The following DNAJC13 variants were observed in gnomAD, a reference collection of about 807,000 sequenced individuals.
DNAJC13 encodes dnaJ homolog subfamily C member 13.
In DNAJC13, 75 loss-of-function variants were observed where a neutral mutation model predicts 290.5. The observed-to-expected ratio is 0.26, with a 90% CI of 0.21 to 0.31. The LOEUF is 0.31. Ranked by LOEUF, DNAJC13 falls within the 10% of genes least tolerant of loss-of-function variation. The pLI is 1.00. For missense variants in DNAJC13, 2,260 were observed against 2,674.5 expected, an observed-to-expected ratio of 0.85 and a Z score of 3.42; for synonymous variants, 862 against 892.0, an observed-to-expected ratio of 0.97 and a Z score of 0.60.
chr3:132,506,432 A>G (rs78820357), intron 42 of DNAJC13, among the ~76,000 whole-genome samples: 15,292 of 149,072 alleles, frequency 0.1, 1,436 homozygotes, highest in East Asian at 0.54. Flanking sequence ...ATACTTTTAC[A>G]TGTTATTTTA....
At chr3:132,526,023 A>G in intron 52 of DNAJC13, 118 bp from the exon 53 acceptor site, 1 of 1,390,132 alleles carries the variant, frequency 7.2e-7, no homozygotes, top group Non-Finnish European at 9.6e-7. Flanking sequence ...GGTTCAATTC[A>G]TTGTTAAACT....
Position 132,471,121 on chromosome 3 carries a change from C to T in DNAJC13, c.2209-2024C>T, listed in dbSNP as rs1934228642. 1.5e-5 allele frequency among the ~76,000 whole-genome samples: 2 copies of T among 131,478 alleles called. 1 individual carries two copies. Among genetic ancestry groups the T allele is most frequent in the Non-Finnish European group, 3.4e-5 (2 of 59,026 alleles). 86.3% of individuals were successfully genotyped at this position (131,478 alleles called of 152,430 possible). Reference sequence around the variant, plus strand: ...GCGGCTGGCCGGGTGGGGGGGCTGACCCCCCCATCTCCCTCCTGGACGGGG... The same window carrying T: ...GCGGCTGGCCGGGTGGGGGGGCTGATCCCCCCATCTCCCTCCTGGACGGGG... On this transcript the variant is annotated intron_variant, in intron 20 of 55. Transcript: ENST00000260818.
intron 17 of DNAJC13, among the ~76,000 whole-genome samples, chr3:132,464,414 C>T (rs1261299757): frequency 6.6e-6 from 1 of 152,152 alleles, no homozygotes; most frequent in Non-Finnish European, 1.5e-5. Flanking sequence ...GTGACCCTTT[C>T]AGCTATCTTA....
intron 2 of DNAJC13, among the ~76,000 whole-genome samples, chr3:132,444,283 G>A (rs1173585543): frequency 6.6e-6 from 1 of 152,180 alleles, no homozygotes; most frequent in Non-Finnish European, 1.5e-5. Context: ...TGCTAAAAAG[G>A]TTGGGGACTA....
intron 2 of DNAJC13, among the ~76,000 whole-genome samples, chr3:132,439,321 T>C (rs899984856): frequency 3.9e-5 from 6 of 152,336 alleles, no homozygotes; most frequent in Non-Finnish European, 8.8e-5. Flanking sequence ...TTCTAATACC[T>C]TTCTTATATG....
At chr3:132,445,272 A>G (rs59784177) in intron 2 of DNAJC13, among the ~76,000 whole-genome samples, 10,835 of 152,144 alleles carry the variant, frequency 0.071, 796 homozygotes, top group African/African-American at 0.19. Flanking sequence ...TCTCGTATTA[A>G]AATACAACTA....
In DNAJC13 at chr3:132,484,523, G is replaced by A. The variant is rs193149241; in HGVS notation, c.3183-65G>A. 371 of 1,457,410 alleles carry A rather than the reference G, an allele frequency of 2.5e-4. 2 individuals are homozygous for A. In the African/African-American group the frequency reaches 2.6e-3, roughly 10 times the overall value. The allele number at this position is 1,457,410 out of a possible 1,614,324, so 90.3% of individuals were successfully genotyped here. On this transcript the variant is annotated intron_variant, in intron 28 of 55. Coordinates refer to ENST00000260818, the MANE Select transcript of DNAJC13 (RefSeq NM_015268.4). The stretch of plus-strand genomic sequence containing the variant: ...CCTGCTTCATGCCTAGTAGAATGTC[G>A]TATGCTCTGAACATACAAATTTTAA...
chr3:132,488,944 A>T, intron 30 of DNAJC13, 32 bp from the exon 31 acceptor site: 1 of 1,544,274 alleles, frequency 6.5e-7, no homozygotes, highest in Non-Finnish European at 8.9e-7. Context: ...ATCGGTTTCT[A>T]TATCTGATAG....
At chr3:132,465,707 T>C (rs1337711391) in intron 17 of DNAJC13, among the ~76,000 whole-genome samples, 1 of 152,158 alleles carries the variant, frequency 6.6e-6, no homozygotes, top group African/African-American at 2.4e-5. Flanking sequence ...TTGTTTTTTT[T>C]CTTCCTTTAA....
chr3:132,487,559 A>ATTTTTTTTTTTTTTTTTT lies in DNAJC13; in HGVS notation c.3268-736_3268-719dup, dbSNP rs10663131. ...GCGTGAGCCACCATGCCTGGCTGTA[A>ATTTTTTTTTTTTTTTTTT]TTTTTTTTTTTTTTTTTTTTACTGG... On this transcript the variant is annotated intron_variant, in intron 29 of 55. Coordinates refer to ENST00000260818, the MANE Select transcript of DNAJC13 (RefSeq NM_015268.4). 2.2e-4 allele frequency among the ~76,000 whole-genome samples: 24 copies of ATTTTTTTTTTTTTTTTTT among 110,438 alleles called. 3 individuals carry two copies. The highest frequency in any genetic ancestry group is 1.2e-3 in the African/African-American group (23 of 18,780). 72.5% of individuals were successfully genotyped at this position (110,438 alleles called of 152,430 possible).
rs758835479 is a variant in DNAJC13 at position 132,466,301 on chromosome 3, G to A, written c.1971G>A (p.Pro657=). 1.9e-5 allele frequency: 30 copies of A among 1,581,598 alleles called. No individual in the cohort carries two copies. The highest frequency in any genetic ancestry group is 1.7e-4 in the Middle Eastern group (1 of 5,914). The change falls in exon 19 of 56, where the codon CCG becomes CCA. Residue 657 remains proline (P), a splice_region_variant and synonymous_variant. Coordinates refer to ENST00000260818, the MANE Select transcript of DNAJC13 (RefSeq NM_015268.4). ...TATNLLKRIL[P]PGLLAYLESS... is the part of the protein sequence containing the mutation. ...GAAAATGGATTTTGTGTTTTTAGCC[G>A]CCAGGCTTGCTGGCATACTTGGAAA...
intron 29 of DNAJC13, among the ~76,000 whole-genome samples, chr3:132,487,932 A>G (rs1211545422): frequency 2.0e-5 from 3 of 152,096 alleles, no homozygotes; most frequent in Non-Finnish European, 2.9e-5. Flanking sequence ...TTGAGTTCTC[A>G]AGAAGCCTTC....
chr3:132,511,035 A>G (rs779939057), intron 43 of DNAJC13, 32 bp from the exon 44 acceptor site: 1 of 1,603,098 alleles, frequency 6.2e-7, no homozygotes, highest in Admixed American at 1.7e-5. Context: ...TAGGGCACCC[A>G]TGTTGTTTAA....
At chr3:132,499,398 C>T (rs1935341868) in intron 37 of DNAJC13, 88 bp downstream of exon 37, 1 of 1,126,576 alleles carries the variant, frequency 8.9e-7, no homozygotes, top group Admixed American at 2.6e-5. Context: ...AGTACAAATG[C>T]AGATTCTTTA....
intron 1 of DNAJC13, among the ~76,000 whole-genome samples, chr3:132,428,562 A>G (rs1200793438): frequency 6.6e-6 from 1 of 151,678 alleles, no homozygotes; most frequent in African/African-American, 2.4e-5. Context: ...CTCCCACAGT[A>G]GCCTCCCAAA....
rs1357399971 is a variant in DNAJC13 at position 132,525,742 on chromosome 3, A to G, written c.6193A>G (p.Ile2065Val). 1 of 1,614,216 alleles carries G rather than the reference A, an allele frequency of 6.2e-7. No individual in the cohort carries two copies. The highest frequency in any genetic ancestry group is 1.1e-5 in the South Asian group (1 of 91,090). The change falls in exon 52 of 56, where the codon ATT becomes GTT. Residue 2065 changes from isoleucine (I) to valine (V), a missense_variant. Coordinates refer to ENST00000260818, the MANE Select transcript of DNAJC13 (RefSeq NM_015268.4). ...IQAMNHRNNA[I>V]PKSAIRVIHA... ...GGCAATGAATCATAGGAACAATGCCATTCCTAAGAGTGCCATTCGGGTTAT... is the reference window on the plus strand; with the variant it reads ...GGCAATGAATCATAGGAACAATGCCGTTCCTAAGAGTGCCATTCGGGTTAT...
At chr3:132,499,434 T>C in intron 37 of DNAJC13, 124 bp downstream of exon 37, 1 of 876,096 alleles carries the variant, frequency 1.1e-6, no homozygotes, top group Non-Finnish European at 1.7e-6. Context: ...TAACACAATA[T>C]TTTCCATATT....
At chr3:132,440,112 T>C (rs1047016949) in intron 2 of DNAJC13, among the ~76,000 whole-genome samples, 2 of 152,092 alleles carry the variant, frequency 1.3e-5, no homozygotes, top group African/African-American at 2.4e-5. Context: ...ACAAAAATTA[T>C]CTGGTGTGGT....
intron 36 of DNAJC13, 28 bp from the exon 37 acceptor site, chr3:132,499,098 T>G: frequency 6.6e-7 from 1 of 1,526,616 alleles, no homozygotes; most frequent in East Asian, 2.3e-5. Flanking sequence ...TGTTTTGTTT[T>G]TCTAACACTA....
Sources: allele counts gnomAD v4.1 joint callset (sites outside exome capture counted in the v4.1 genomes callset), GRCh38; gene constraint gnomAD v4.1.1; transcripts MANE v1.5; gene names NCBI Gene and HGNC (gene_info 2026-07-23, HGNC 2026-07-21).